The following UBE2E2 variants were observed in gnomAD, a reference collection of about 807,000 sequenced individuals.
UBE2E2 encodes ubiquitin conjugating enzyme E2 E2, also known as ubiquitin-conjugating enzyme E2 E2.
UBE2E2 carries 6 observed loss-of-function variants against 24.7 expected under a neutral mutation model. The ratio of observed to expected loss-of-function variants is 0.24; its 90% CI spans 0.13 to 0.48. UBE2E2 has a LOEUF of 0.48. Ranked by LOEUF, UBE2E2 falls within the 20% of genes least tolerant of loss-of-function variation. UBE2E2 has a pLI of 0.99. For synonymous variants in UBE2E2, 104 were observed against 83.6 expected (o/e 1.24, Z -1.33); for missense variants, 169 against 245.0 (o/e 0.69, Z 2.07).
intron 3 of UBE2E2, among the ~76,000 whole-genome samples, chr3:23,432,378 A>G (rs1389157729): frequency 1.3e-5 from 2 of 152,142 alleles, no homozygotes; most frequent in Admixed American, 6.5e-5. Flanking sequence ...ACCAAAAATC[A>G]TAACAAATAG....
At chr3:23,352,543 A>G (rs1695786065) in intron 3 of UBE2E2, among the ~76,000 whole-genome samples, 1 of 152,238 alleles carries the variant, frequency 6.6e-6, no homozygotes, top group Non-Finnish European at 1.5e-5. Context: ...AAAAAATGAT[A>G]AAGGGGATAT....
In UBE2E2 at chr3:23,208,470, A is replaced by T. The variant is rs79744063; in HGVS notation, c.-8-222A>T. Among the ~76,000 whole-genome samples the T allele has an allele frequency of 2.2e-4, 34 of 152,330 alleles. No individual in the cohort carries two copies. In the East Asian group the frequency reaches 6.6e-3, roughly 29 times the overall value. Reference sequence around the variant, plus strand: ...ATTATTATGAATAATGTTGCTATGAACATTTCATGTATAAATTTTGTATGT... The same window carrying T: ...ATTATTATGAATAATGTTGCTATGATCATTTCATGTATAAATTTTGTATGT... On this transcript the variant is annotated intron_variant, in intron 1 of 5. Coordinates refer to ENST00000396703, the MANE Select transcript of UBE2E2 (RefSeq NM_152653.4).
At chr3:23,345,301 A>G (rs182327201) in intron 3 of UBE2E2, among the ~76,000 whole-genome samples, 31 of 152,294 alleles carry the variant, frequency 2.0e-4, no homozygotes, top group Non-Finnish European at 3.7e-4. Context: ...TTATTTGGAC[A>G]CCTGGTATTA....
intron 4 of UBE2E2, 101 bp downstream of exon 4, chr3:23,499,841 G>T: frequency 7.4e-7 from 1 of 1,355,138 alleles, no homozygotes; most frequent in Non-Finnish European, 9.8e-7. Flanking sequence ...TGTCTATTCT[G>T]TTGTCACAGA....
intron 3 of UBE2E2, among the ~76,000 whole-genome samples, chr3:23,404,541 G>C (rs1243662526): frequency 6.6e-6 from 1 of 152,088 alleles, no homozygotes; most frequent in Non-Finnish European, 1.5e-5. Context: ...TATATCACTT[G>C]GCTGACTATT....
At chr3:23,276,166 C>G (rs1342975582) in intron 3 of UBE2E2, among the ~76,000 whole-genome samples, 1 of 152,014 alleles carries the variant, frequency 6.6e-6, no homozygotes, top group African/African-American at 2.4e-5. Context: ...TCATGATTTT[C>G]CATTATTCAT....
intron 3 of UBE2E2, among the ~76,000 whole-genome samples, chr3:23,263,132 C>A (rs1163593815): frequency 6.6e-6 from 1 of 152,148 alleles, no homozygotes; most frequent in Non-Finnish European, 1.5e-5. Context: ...TGAGGTGATA[C>A]AGCAATACAT....
chr3:23,275,882 C>G (rs1039023903), intron 3 of UBE2E2, among the ~76,000 whole-genome samples: 3 of 151,948 alleles, frequency 2.0e-5, no homozygotes, highest in African/African-American at 7.3e-5. Context: ...GATCCCGATT[C>G]ATTAAAAATT....
chr3:23,273,629 T>C (rs1057110510), intron 3 of UBE2E2, among the ~76,000 whole-genome samples: 1 of 152,172 alleles, frequency 6.6e-6, no homozygotes, highest in Non-Finnish European at 1.5e-5. Flanking sequence ...TTATATATGG[T>C]TTTGCTTAAA....
At chr3:23,578,908 A>G (rs890892969) in intron 5 of UBE2E2, among the ~76,000 whole-genome samples, 3 of 152,196 alleles carry the variant, frequency 2.0e-5, no homozygotes, top group African/African-American at 4.8e-5. Context: ...CACATCCTGC[A>G]CATGTACCCC....
rs1696727190 is a variant in UBE2E2, at chr3:23,590,116, T to A, written c.*285T>A. 2 of 332,892 alleles carry A rather than the reference T, an allele frequency of 6.0e-6. No individual in the cohort carries two copies. Among genetic ancestry groups the A allele is most frequent in the Admixed American group, 4.4e-5 (1 of 22,632 alleles). 20.6% of individuals were successfully genotyped at this position (332,892 alleles called of 1,614,324 possible). A position where few individuals can be genotyped will look rare whatever the true frequency, so the allele number is the denominator to read the frequency against. ...TCATCATAGATGGGAACTTTTGTTT[T>A]CAGTGCAAACAATGTTGGAGCTGTA... On this transcript the variant is annotated 3_prime_UTR_variant, in exon 6 of 6. Transcript: ENST00000396703.
chr3:23,537,627 G>A (rs528606576), intron 5 of UBE2E2, among the ~76,000 whole-genome samples: 11 of 152,260 alleles, frequency 7.2e-5, no homozygotes, highest in African/African-American at 2.6e-4. Flanking sequence ...AAAAGCTTGG[G>A]AGAATGTTTC....
chr3:23,366,937 A>AT (rs1308501292), intron 3 of UBE2E2, among the ~76,000 whole-genome samples: 10 of 152,186 alleles, frequency 6.6e-5, no homozygotes, highest in Admixed American at 4.6e-4. Flanking sequence ...GTTTATTGGT[A>AT]TTTTTTGTAT....
chr3:23,241,279 G>A (rs879896437), intron 3 of UBE2E2, among the ~76,000 whole-genome samples: 1 of 152,118 alleles, frequency 6.6e-6, no homozygotes, highest in Non-Finnish European at 1.5e-5. Flanking sequence ...GGTCCAAGCC[G>A]TCTTCATATC....
Position 23,280,003 on chromosome 3 carries a change from T to C in UBE2E2, c.227+62691T>C, listed in dbSNP as rs148992671. On this transcript the variant is annotated intron_variant, in intron 3 of 5. Coordinates refer to ENST00000396703, the MANE Select transcript of UBE2E2 (RefSeq NM_152653.4). This position sits in a 1 kb window ranked among gnomAD's most constrained non-coding sequence, Gnocchi z 4.3. The stretch of plus-strand genomic sequence containing the variant: ...ACCATTCACCAATGCTTAAGATCAA[T>C]TAATAGTAGACATTGTCTCTCATTC... 1.8e-4 allele frequency among the ~76,000 whole-genome samples: 28 copies of C among 152,348 alleles called. No individual in the cohort carries two copies. The highest frequency in any genetic ancestry group is 6.7e-4 in the African/African-American group (28 of 41,588).
intron 3 of UBE2E2, among the ~76,000 whole-genome samples, chr3:23,435,785 C>A (rs1446225102): frequency 1.3e-5 from 2 of 152,146 alleles, no homozygotes; most frequent in Middle Eastern, 3.2e-3. Flanking sequence ...GATGGTTTCG[C>A]TAGGGGCCTT....
At chr3:23,582,644 T>G (rs977375903) in intron 5 of UBE2E2, among the ~76,000 whole-genome samples, 1 of 152,228 alleles carries the variant, frequency 6.6e-6, no homozygotes, top group Admixed American at 6.5e-5. Context: ...TTTGCATTTC[T>G]TTAATGATCA....
intron 3 of UBE2E2, among the ~76,000 whole-genome samples, chr3:23,318,583 AAGGCACGTCTATGTGGTGGC>A (rs367803729): frequency 5.6e-4 from 86 of 152,300 alleles, no homozygotes; most frequent in African/African-American, 1.5e-3. Flanking sequence ...CAGAAGGCAA[AAGGCACGTCTATGTGGTGGC>A]AGGCATGAGA....
intron 5 of UBE2E2, among the ~76,000 whole-genome samples, chr3:23,537,561 G>A (rs1031678391): frequency 6.6e-6 from 1 of 152,124 alleles, no homozygotes; most frequent in Admixed American, 6.5e-5. Flanking sequence ...TTCTCAAATG[G>A]ACTGAGCAAA....
Sources: gnomAD v4.1 joint callset for allele counts (sites outside exome capture counted in the v4.1 genomes callset) on GRCh38, gnomAD v4.1.1 for gene constraint, Gnocchi (gnomAD v3.1) non-coding constraint, MANE v1.5 for transcripts, NCBI Gene and HGNC (gene_info 2026-07-23, HGNC 2026-07-21) for gene names.